The following PABPC4L variants were observed in gnomAD, a reference collection of about 807,000 sequenced individuals.
PABPC4L encodes the protein polyadenylate-binding protein 4-like.
For synonymous variants in PABPC4L, 169 were observed against 164.1 expected (o/e 1.03, Z -0.23); for missense variants, 452 against 451.4 (o/e 1.00, Z -0.01).
the PABPC4L span, among the ~76,000 whole-genome samples, chr4:133,994,557 G>A: frequency 6.6e-6 from 1 of 152,070 alleles, no homozygotes; most frequent in Non-Finnish European, 1.5e-5. Context: ...TGAGTGACCC[G>A]AGGCCAAGTT....
chr4:134,094,078 A>G, the PABPC4L span, among the ~76,000 whole-genome samples: 4 of 151,920 alleles, frequency 2.6e-5, no homozygotes, highest in South Asian at 8.3e-4. Context: ...TTCTCTTCAG[A>G]GAGAAGTTCA....
chr4:134,181,852 C>T, the PABPC4L span, among the ~76,000 whole-genome samples: 2 of 151,742 alleles, frequency 1.3e-5, no homozygotes, highest in Non-Finnish European at 2.9e-5. Flanking sequence ...TTACAAGATG[C>T]TACTTAAATA....
Position 134,200,508 on chromosome 4 carries a change from C to A in PABPC4L, c.512G>T (p.Arg171Ile). 6.4e-7 allele frequency: 1 copy of A among 1,551,642 alleles called. No individual in the cohort carries two copies. Among genetic ancestry groups the A allele is most frequent in the Non-Finnish European group, 8.7e-7 (1 of 1,146,974 alleles). Reference protein sequence around the residue: ...LLKGCKVFVGRFKNRKDREAE... With the variant: ...LLKGCKVFVGIFKNRKDREAE... ...TTCACGATCTTTTCGGTTTTTGAAT[C>A]TGCCAACAAACACCTTGCAGCCCTT... The change falls in exon 2 of 2, where the codon AGA (arginine) becomes ATA (isoleucine). Residue 171 changes from arginine to isoleucine, a missense_variant. Physicochemically the swap from Arg to Ile is moderately conservative, Grantham distance 97. Transcript: ENST00000421491.
the PABPC4L span, among the ~76,000 whole-genome samples, chr4:134,035,841 C>A: frequency 6.6e-6 from 1 of 151,938 alleles, no homozygotes; most frequent in Non-Finnish European, 1.5e-5. Context: ...ATTCATCTGC[C>A]TAATTTTATA....
chr4:133,989,830 C>A, the PABPC4L span, among the ~76,000 whole-genome samples: 46 of 152,070 alleles, frequency 3.0e-4, no homozygotes, highest in Admixed American at 2.6e-3. Context: ...AAGAAAAGAG[C>A]CTTAATTGAC....
At chr4:133,954,058 G>A in the PABPC4L span, among the ~76,000 whole-genome samples, 62 of 152,314 alleles carry the variant, frequency 4.1e-4, 1 homozygote, top group East Asian at 8.1e-3. Flanking sequence ...GCTGTTTGGA[G>A]GGAACACATA....
the PABPC4L span, among the ~76,000 whole-genome samples, chr4:133,993,925 G>A: frequency 6.6e-6 from 1 of 152,062 alleles, no homozygotes; most frequent in East Asian, 1.9e-4. Flanking sequence ...AATGAGGGCT[G>A]TCTCAAGGTT....
chr4:133,996,882 A>T, the PABPC4L span, among the ~76,000 whole-genome samples: 1 of 152,192 alleles, frequency 6.6e-6, no homozygotes, highest in African/African-American at 2.4e-5. Flanking sequence ...CCCCTAGTAG[A>T]GAGCAGTCCT....
At chr4:134,030,526 G>C in the PABPC4L span, among the ~76,000 whole-genome samples, 1 of 151,788 alleles carries the variant, frequency 6.6e-6, no homozygotes, top group Admixed American at 6.6e-5. Flanking sequence ...ATAAAAACCA[G>C]GTCTAATATT....
the PABPC4L span, among the ~76,000 whole-genome samples, chr4:134,010,899 C>G: frequency 9.9e-3 from 1,505 of 152,138 alleles, 26 homozygotes; most frequent in African/African-American, 0.033. Flanking sequence ...GTTTAGACAG[C>G]CCTTTAATAG....
At chr4:134,025,907 G>A in the PABPC4L span, among the ~76,000 whole-genome samples, 1 of 152,094 alleles carries the variant, frequency 6.6e-6, no homozygotes, top group African/African-American at 2.4e-5. Flanking sequence ...TTAAGGTAGG[G>A]CATGGTATTT....
At chr4:134,121,637 T>C in the PABPC4L span, among the ~76,000 whole-genome samples, 1 of 151,904 alleles carries the variant, frequency 6.6e-6, no homozygotes, top group African/African-American at 2.4e-5. Flanking sequence ...CTCCTTTTTG[T>C]TTGTTTCCCA....
At chr4:134,006,366 G>C in the PABPC4L span, among the ~76,000 whole-genome samples, 2 of 151,760 alleles carry the variant, frequency 1.3e-5, no homozygotes, top group South Asian at 2.1e-4. Flanking sequence ...CTATAATCTT[G>C]GTAACAAGGT....
At chr4:134,173,374 C>T in the PABPC4L span, among the ~76,000 whole-genome samples, 1 of 151,892 alleles carries the variant, frequency 6.6e-6, no homozygotes, top group African/African-American at 2.4e-5. Context: ...GGCACATATA[C>T]ACATTATAAT....
chr4:134,171,361 G>T, the PABPC4L span, among the ~76,000 whole-genome samples: 2 of 152,068 alleles, frequency 1.3e-5, no homozygotes, highest in Admixed American at 1.3e-4. Flanking sequence ...TGATCCACTT[G>T]CCTCGGCCTC....
the PABPC4L span, among the ~76,000 whole-genome samples, chr4:134,009,339 A>G: frequency 1.3e-5 from 2 of 152,006 alleles, no homozygotes. Context: ...TACACATTTT[A>G]CTTATATTTC....
the PABPC4L span, among the ~76,000 whole-genome samples, chr4:134,070,057 A>T: frequency 7.8e-6 from 1 of 128,660 alleles, no homozygotes; most frequent in East Asian, 2.5e-4. Context: ...CATAAGATGG[A>T]TTTATGCTAC....
At chr4:134,142,528 CT>C in the PABPC4L span, among the ~76,000 whole-genome samples, 1 of 151,356 alleles carries the variant, frequency 6.6e-6, no homozygotes, top group Admixed American at 6.6e-5. Flanking sequence ...ATCTATTGGT[CT>C]TGTAGTATTT....
At chr4:134,081,748 C>T in the PABPC4L span, among the ~76,000 whole-genome samples, 1 of 151,944 alleles carries the variant, frequency 6.6e-6, no homozygotes, top group African/African-American at 2.4e-5. Flanking sequence ...AAAGAAAAAC[C>T]AACTAACCAA....
Sources: allele counts gnomAD v4.1 joint callset (sites outside exome capture counted in the v4.1 genomes callset), GRCh38; gene constraint gnomAD v4.1.1; transcripts MANE v1.5; gene names NCBI Gene and HGNC (gene_info 2026-07-23, HGNC 2026-07-21).